The following NUP133 variants were observed in gnomAD, a reference collection of about 807,000 sequenced individuals.
The protein encoded by NUP133 is nucleoporin 133.
NUP133 carries 66 observed loss-of-function variants against 146.2 expected under a neutral mutation model. The ratio of observed to expected loss-of-function variants is 0.45; its 90% CI spans 0.37 to 0.55. NUP133 has a LOEUF of 0.55. Among genes scored for constraint, NUP133 ranks in the 20% least tolerant of loss-of-function variants. The pLI is 0.00. For missense variants in NUP133, 1,277 were observed against 1,374.8 expected (o/e 0.93, Z 1.12); for synonymous variants, 521 against 498.8 (o/e 1.04, Z -0.59).
At chr1:229,484,240 G>A (rs143240433) in intron 11 of NUP133, 95 bp from the exon 12 acceptor site, 95 of 758,088 alleles carry the variant, frequency 1.3e-4, no homozygotes, top group Admixed American at 1.7e-4. Flanking sequence ...TAGCAACTCC[G>A]CATATACACG....
intron 16 of NUP133, 47 bp downstream of exon 16, chr1:229,466,587 C>G: frequency 1.2e-6 from 2 of 1,607,828 alleles, no homozygotes; most frequent in Non-Finnish European, 1.7e-6. Context: ...CTTGTCTATC[C>G]ATGCCCTGGG....
At chr1:229,471,465 A>C (rs1660954399) in intron 14 of NUP133, among the ~76,000 whole-genome samples, 1 of 152,028 alleles carries the variant, frequency 6.6e-6, no homozygotes, top group Non-Finnish European at 1.5e-5. Flanking sequence ...TAGGTTCCAG[A>C]CTTTCAGAAA....
At chr1:229,485,296 T>C (rs1295028381) in intron 11 of NUP133, among the ~76,000 whole-genome samples, 1 of 152,072 alleles carries the variant, frequency 6.6e-6, no homozygotes, top group African/African-American at 2.4e-5. Context: ...AGAGGACAGG[T>C]CCTGAGGATT....
intron 23 of NUP133, among the ~76,000 whole-genome samples, chr1:229,449,856 T>C (rs1470916983): frequency 1.0e-5 from 1 of 95,438 alleles, no homozygotes; most frequent in African/African-American, 5.0e-5. Context: ...AGATTTTATA[T>C]ATATATATAT....
intron 12 of NUP133, among the ~76,000 whole-genome samples, chr1:229,480,151 T>C (rs1237124850): frequency 6.6e-6 from 1 of 152,104 alleles, no homozygotes; most frequent in Non-Finnish European, 1.5e-5. Context: ...TCCAGATACA[T>C]TCATAGCTAG....
intron 12 of NUP133, among the ~76,000 whole-genome samples, 181 bp from the exon 13 acceptor site, chr1:229,477,941 G>GT (rs1276433461): frequency 6.6e-6 from 1 of 152,156 alleles, no homozygotes; most frequent in African/African-American, 2.4e-5. Flanking sequence ...CGAAAGACAT[G>GT]TAACAAACTT....
intron 21 of NUP133, 112 bp downstream of exon 21, chr1:229,458,049 G>C (rs1035219001): frequency 9.1e-7 from 1 of 1,098,124 alleles, no homozygotes. Flanking sequence ...ATTCCTCTTA[G>C]AGACAGGTCC....
chr1:229,475,516 A>G (rs1293654440), intron 14 of NUP133, 122 bp downstream of exon 14: 1 of 647,322 alleles, frequency 1.5e-6, no homozygotes, highest in East Asian at 2.7e-5. Flanking sequence ...CAGCAGAGAC[A>G]ATGGAAAACA....
chr1:229,490,152 G>C, intron 8 of NUP133, 50 bp from the exon 9 acceptor site: 1 of 1,424,200 alleles, frequency 7.0e-7, no homozygotes, highest in Non-Finnish European at 9.3e-7. Context: ...AACAACTTAG[G>C]AGTTTCCTAT....
intron 14 of NUP133, among the ~76,000 whole-genome samples, chr1:229,472,678 G>C (rs1181411892): frequency 7.7e-6 from 1 of 130,544 alleles, no homozygotes; most frequent in Non-Finnish European, 1.6e-5. Flanking sequence ...GTGAGACCCT[G>C]TCTCAAAAAA....
chr1:229,470,664 G>A lies in NUP133; in HGVS notation c.1992C>T (p.Val664=). ...TCAAAGCAATCAATATGGCTGTGTTGACAAGGTCAGAAAGCCGGGAGTGGT... is the reference window on the plus strand; with the variant it reads ...TCAAAGCAATCAATATGGCTGTGTTAACAAGGTCAGAAAGCCGGGAGTGGT... ...KNHHSRLSDL[V]NTAILIALNK... is the part of the protein sequence containing the mutation. Residue 664 remains valine (V), a synonymous_variant, in exon 15 of 26, where the codon GTC becomes GTT. Coordinates refer to ENST00000261396, the MANE Select transcript of NUP133 (RefSeq NM_018230.3). The A allele has an allele frequency of 6.2e-7, 1 of 1,614,126 alleles. No individual in the cohort carries two copies.
chr1:229,462,728 A>AT (rs941546552), intron 19 of NUP133, among the ~76,000 whole-genome samples: 7 of 151,788 alleles, frequency 4.6e-5, no homozygotes, highest in African/African-American at 4.8e-5. Flanking sequence ...TTTTAAAAAA[A>AT]TTTTTTTTGT....
At chr1:229,447,943 C>T (rs778859528) in intron 24 of NUP133, among the ~76,000 whole-genome samples, 3 of 152,130 alleles carry the variant, frequency 2.0e-5, no homozygotes, top group South Asian at 4.1e-4. Flanking sequence ...ACTGATAAGA[C>T]AGGATGTGGT....
intron 8 of NUP133, among the ~76,000 whole-genome samples, chr1:229,492,475 A>C (rs936362716): frequency 6.6e-6 from 1 of 152,140 alleles, no homozygotes; most frequent in Non-Finnish European, 1.5e-5. Flanking sequence ...TCTACTGACA[A>C]CTAAAAATAA....
Position 229,498,155 on chromosome 1 carries a change from G to T in NUP133, c.800C>A (p.Ser267Tyr). 6.2e-7 allele frequency: 1 copy of T among 1,608,522 alleles called. No individual in the cohort carries two copies. Among genetic ancestry groups the T allele is most frequent in the Non-Finnish European group, 8.5e-7 (1 of 1,178,152 alleles). ...RKVSSLFGIL[S>Y]PSSDLTLSSV... ...ACTTACTGTGAGATCACTACTAGGA[G>T]ATAAAATTCCAAAAAGAGAAGAAAC... Residue 267 changes from serine to tyrosine, a missense_variant, in exon 6 of 26, where the codon TCT (serine) becomes TAT (tyrosine). Ser to Tyr is a moderately radical substitution (Grantham distance 144). This residue lies in a region of NUP133 where 952 missense variants were observed against 1,047.0 expected (regional missense o/e 0.91). Transcript: ENST00000261396.
intron 8 of NUP133, among the ~76,000 whole-genome samples, chr1:229,491,388 T>G (rs999432496): frequency 9.8e-5 from 15 of 152,340 alleles, no homozygotes; most frequent in African/African-American, 3.4e-4. Flanking sequence ...CTCACACCTG[T>G]AATCCCAACA....
intron 19 of NUP133, among the ~76,000 whole-genome samples, chr1:229,461,720 A>C (rs768349840): frequency 6.6e-6 from 1 of 152,242 alleles, no homozygotes; most frequent in Non-Finnish European, 1.5e-5. Flanking sequence ...GTAAGCACAA[A>C]AGGACTTTAA....
At position 229,463,540 on chromosome 1, in the gene NUP133, C is replaced by T; in HGVS notation, c.2685+3G>A. 6.2e-7 allele frequency: 1 copy of T among 1,613,552 alleles called. No homozygotes were observed. The highest frequency in any genetic ancestry group is 8.5e-7 in the Non-Finnish European group (1 of 1,179,798). Reference sequence around the variant, plus strand: ...CAGTGGCCACACACCCAACACTCATCACCTGATCAGCAAACTGGGTCATGT... The same window carrying T: ...CAGTGGCCACACACCCAACACTCATTACCTGATCAGCAAACTGGGTCATGT... On this transcript the variant is annotated splice_donor_region_variant and intron_variant, in intron 19 of 25. Coordinates refer to ENST00000261396, the MANE Select transcript of NUP133 (RefSeq NM_018230.3).
chr1:229,446,802 C>T (rs1458447301), intron 24 of NUP133, among the ~76,000 whole-genome samples: 14 of 151,898 alleles, frequency 9.2e-5, no homozygotes, highest in Middle Eastern at 6.8e-3. Context: ...CTTCGAGTCT[C>T]GTTTGGCATG....
Sources: gnomAD v4.1 joint callset for allele counts (sites outside exome capture counted in the v4.1 genomes callset) on GRCh38, gnomAD v4.1.1 for gene constraint, gnomAD v4.1.1 regional missense constraint, MANE v1.5 for transcripts, NCBI Gene and HGNC (gene_info 2026-07-23, HGNC 2026-07-21) for gene names.